Variants in ARHGAP6 observed in about 807,000 individuals in gnomAD.
ARHGAP6 encodes rho GTPase-activating protein 6.
Under a neutral mutation model 55.7 loss-of-function variants are expected in ARHGAP6, and 16 were observed. That is an observed-to-expected ratio of 0.29 (90% confidence interval 0.19 to 0.44). The LOEUF (loss-of-function observed/expected upper bound fraction) is 0.44, where lower values mean the gene tolerates loss of function less well. Ranked by LOEUF, ARHGAP6 falls within the 20% of genes least tolerant of loss-of-function variation. The pLI is 1.00. For missense variants in ARHGAP6, 698 were observed against 808.9 expected (o/e 0.86, Z 1.66); for synonymous variants, 382 against 360.9 (o/e 1.06, Z -0.66).
intron 1 of ARHGAP6, among the ~76,000 whole-genome samples, chrX:11,505,073 C>A (rs73486530): frequency 0.12 from 12,709 of 110,092 alleles, 746 homozygotes; most frequent in African/African-American, 0.21. Context: ...TGAAGGAAGG[C>A]GCAACAGAGT....
chrX:11,558,836 C>CAA (rs58936931), intron 1 of ARHGAP6, among the ~76,000 whole-genome samples: 878 of 30,071 alleles, frequency 0.029, 66 homozygotes, highest in Non-Finnish European at 0.034. Flanking sequence ...GATTCCATCT[C>CAA]AAAAAAAAAA....
chrX:11,641,439 G>T (rs904560745), intron 1 of ARHGAP6, among the ~76,000 whole-genome samples: 13 of 111,501 alleles, frequency 1.2e-4, no homozygotes, highest in African/African-American at 4.2e-4. Flanking sequence ...TATTGACAAC[G>T]GTGGCTAGTA....
chrX:11,193,125 A>T (rs973671263), intron 3 of ARHGAP6, among the ~76,000 whole-genome samples: 21 of 112,577 alleles, frequency 1.9e-4, no homozygotes, highest in African/African-American at 4.8e-4. Context: ...GATCTGCTGT[A>T]TATCAAGGCA....
chrX:11,503,002 T>C (rs2050695993), intron 1 of ARHGAP6, among the ~76,000 whole-genome samples: 1 of 110,832 alleles, frequency 9.0e-6, no homozygotes, highest in African/African-American at 3.3e-5. Context: ...TGCAAGCGAT[T>C]CTCTTGCCTC....
intron 1 of ARHGAP6, among the ~76,000 whole-genome samples, chrX:11,574,995 G>A (rs190977715): frequency 8.9e-5 from 10 of 112,075 alleles, no homozygotes; most frequent in Non-Finnish European, 1.7e-4. Flanking sequence ...GCAACATTTT[G>A]AAGTAAGCAC....
chrX:11,572,926 T>A (rs752792759), intron 1 of ARHGAP6, among the ~76,000 whole-genome samples: 7 of 112,425 alleles, frequency 6.2e-5, no homozygotes, highest in South Asian at 7.4e-4. Flanking sequence ...GATTTGCATT[T>A]CTCTGATGGC....
At chrX:11,212,047 C>A (rs1236499442) in intron 2 of ARHGAP6, among the ~76,000 whole-genome samples, 1 of 111,320 alleles carries the variant, frequency 9.0e-6, no homozygotes, top group Non-Finnish European at 1.9e-5. Context: ...ATTACCTTGC[C>A]CAAAATTGCA....
chrX:11,456,603 CA>C (rs1375794723), intron 1 of ARHGAP6, among the ~76,000 whole-genome samples: 53 of 111,532 alleles, frequency 4.8e-4, no homozygotes, highest in African/African-American at 1.7e-3. Flanking sequence ...GGAGGTGGGG[CA>C]AGCCCACTGA....
At chrX:11,243,148 A>G (rs1478943384) in intron 2 of ARHGAP6, among the ~76,000 whole-genome samples, 3 of 111,969 alleles carry the variant, frequency 2.7e-5, no homozygotes, top group African/African-American at 9.8e-5. Flanking sequence ...TTTCCTCTCT[A>G]TCACTTGTCT....
chrX:11,285,662 C>T (rs750387709), intron 1 of ARHGAP6, among the ~76,000 whole-genome samples: 6 of 112,016 alleles, frequency 5.4e-5, no homozygotes, highest in Non-Finnish European at 7.5e-5. Flanking sequence ...TTACCTCAAT[C>T]ACTTTGTGAT....
chrX:11,182,051 C>T lies in ARHGAP6; in HGVS notation c.1329+12G>A, dbSNP rs1569244994. On this transcript the variant is annotated intron_variant, in intron 6 of 12. Transcript: ENST00000337414. ...CATGTGAAACAAAATATAATCTTTA[C>T]TTTTCACTTACTTGTCTCACTCTCT... is the stretch of plus-strand genomic sequence containing the variant. 6 of 1,184,187 alleles carry T rather than the reference C, an allele frequency of 5.1e-6. No homozygotes were observed. Among genetic ancestry groups the T allele is most frequent in the Non-Finnish European group, 6.9e-6 (6 of 875,795 alleles).
At chrX:11,326,083 T>C (rs1294686609) in intron 1 of ARHGAP6, among the ~76,000 whole-genome samples, 1 of 111,194 alleles carries the variant, frequency 9.0e-6, no homozygotes. Flanking sequence ...TTAGAGAGTA[T>C]ATAATGTTTT....
rs111698496 is a variant in ARHGAP6 at position 11,590,458 on chromosome X, CAA to C, written c.588+73781_588+73782del. On this transcript the variant is annotated intron_variant, in intron 1 of 12. Transcript: ENST00000337414. ...TTTTAAAAATTGTTGAATTATTAAA[CAA>C]AAAAAAAATGAATGAATACAAATAA... Among the ~76,000 whole-genome samples, 600 of 103,382 alleles carry C rather than the reference CAA, an allele frequency of 5.8e-3. 2 individuals are homozygous for C. Among genetic ancestry groups the C allele is most frequent in the African/African-American group, 0.02 (564 of 28,646 alleles). The allele number at this position is 103,382 out of a possible 115,157, so 89.8% of individuals were successfully genotyped here. A position where few individuals can be genotyped will look rare whatever the true frequency, so the allele number is the denominator to read the frequency against.
At chrX:11,514,156 T>C (rs1457217069) in intron 1 of ARHGAP6, among the ~76,000 whole-genome samples, 10 of 49,240 alleles carry the variant, frequency 2.0e-4, no homozygotes, top group Non-Finnish European at 3.0e-4. Flanking sequence ...AGTGAAACCC[T>C]GTCTCAAAAA....
chrX:11,560,324 C>G (rs967556537), intron 1 of ARHGAP6, among the ~76,000 whole-genome samples: 1 of 112,013 alleles, frequency 8.9e-6, no homozygotes, highest in African/African-American at 3.2e-5. Context: ...AAATAAGCAG[C>G]AGGTTGAATT....
intron 1 of ARHGAP6, among the ~76,000 whole-genome samples, chrX:11,507,881 T>C (rs1300695847): frequency 8.9e-6 from 1 of 112,066 alleles, no homozygotes; most frequent in Non-Finnish European, 1.9e-5. Context: ...TAGTGGTACT[T>C]ATAGTCCCAC....
In ARHGAP6 at chrX:11,537,288, T is replaced by C. The variant is rs187212517; in HGVS notation, c.588+126953A>G. On this transcript the variant is annotated intron_variant, in intron 1 of 12. Transcript: ENST00000337414. ...GAACATGTGGCAATGTCTTGAGACA[T>C]TTTTAGTTGTTGCAACTGAGGTTCC... Among the ~76,000 whole-genome samples, 56 of 112,015 alleles carry C rather than the reference T, an allele frequency of 5.0e-4. No homozygotes were observed. In the South Asian group the frequency reaches 6.8e-3, roughly 14 times the overall value.
rs1601743601 is a variant in ARHGAP6 at position 11,664,989 on chromosome X, T to C, written c.-161A>G. 8.6e-6 allele frequency: 4 copies of C among 466,153 alleles called. No individual in the cohort carries two copies. In the South Asian group the frequency reaches 1.3e-4, roughly 15 times the overall value. 38.4% of individuals were successfully genotyped at this position (466,153 alleles called of 1,213,427 possible). ...CAAAGCCCAGCTCACGCGCCGCCGG[T>C]GCGCTCCAAGTGCCCCGGCGGCGGC... On this transcript the variant is annotated 5_prime_UTR_variant, in exon 1 of 13. Transcript: ENST00000337414.
chrX:11,155,116 T>G (rs991686467), intron 10 of ARHGAP6, among the ~76,000 whole-genome samples: 1 of 110,213 alleles, frequency 9.1e-6, no homozygotes, highest in Non-Finnish European at 1.9e-5. Context: ...AAGAAGGAGG[T>G]TGAACAACAT....
Sources: allele counts gnomAD v4.1 joint callset (sites outside exome capture counted in the v4.1 genomes callset), GRCh38; gene constraint gnomAD v4.1.1; transcripts MANE v1.5; gene names NCBI Gene and HGNC (gene_info 2026-07-23, HGNC 2026-07-21).